The following ESF1 variants were observed in gnomAD, a reference collection of about 807,000 sequenced individuals.
ESF1 encodes ESF1 nucleolar pre-rRNA processing protein.
In ESF1, 58 loss-of-function variants were observed where a neutral mutation model predicts 92.0. The observed-to-expected ratio is 0.63, with a 90% CI of 0.51 to 0.78. The LOEUF (loss-of-function observed/expected upper bound fraction) is 0.78, where lower values mean the gene tolerates loss of function less well. ESF1 is among the 30% of genes least tolerant of loss of function. The pLI is 0.00. For synonymous variants in ESF1, 321 were observed against 313.7 expected, an observed-to-expected ratio of 1.02 and a Z score of -0.24; for missense variants, 922 against 989.1, an observed-to-expected ratio of 0.93 and a Z score of 0.91.
chr20:13,730,549 A>G (rs1432532931), intron 10 of ESF1, among the ~76,000 whole-genome samples: 1 of 151,508 alleles, frequency 6.6e-6, no homozygotes, highest in Non-Finnish European at 1.5e-5. Context: ...ACGCCCAGCT[A>G]ATTTTTTTGT....
In ESF1 at chr20:13,733,720, C is replaced by T; in HGVS notation, c.1950+1G>A. 1.2e-6 allele frequency: 2 copies of T among 1,610,686 alleles called. No individual in the cohort carries two copies. The highest frequency in any genetic ancestry group is 1.7e-6 in the Non-Finnish European group (2 of 1,178,930). On this transcript the variant is annotated splice_donor_variant, in intron 10 of 13. Coordinates refer to ENST00000617257, the MANE Select transcript of ESF1 (RefSeq NM_001276380.2). LOFTEE classifies it high-confidence loss of function. ...CATTTGGTCATAATTATCAATGATA[C>T]CTTCTGTTTCCTTTTCAGTCTTTTT...
At chr20:13,780,826 G>A (rs1980150103) in intron 2 of ESF1, among the ~76,000 whole-genome samples, 1 of 152,182 alleles carries the variant, frequency 6.6e-6, no homozygotes, top group Non-Finnish European at 1.5e-5. Context: ...ATTTTAATTA[G>A]TAAACACGTA....
At chr20:13,741,326 T>C (rs1209891711) in intron 9 of ESF1, among the ~76,000 whole-genome samples, 1 of 146,436 alleles carries the variant, frequency 6.8e-6, no homozygotes, top group Non-Finnish European at 1.5e-5. Flanking sequence ...TTGTTGCTTT[T>C]GGTTTGCATT....
intron 8 of ESF1, among the ~76,000 whole-genome samples, chr20:13,763,904 C>A (rs1979315372): frequency 6.6e-6 from 1 of 152,174 alleles, no homozygotes; most frequent in Non-Finnish European, 1.5e-5. Flanking sequence ...AATGATTAAA[C>A]ATGATTTTCC....
At chr20:13,776,824 A>C (rs576302892) in intron 2 of ESF1, among the ~76,000 whole-genome samples, 2 of 152,338 alleles carry the variant, frequency 1.3e-5, no homozygotes, top group African/African-American at 4.8e-5. Flanking sequence ...TAATAGATGG[A>C]AATTTGTTTG....
At chr20:13,737,444 G>T (rs2049982135) in intron 9 of ESF1, among the ~76,000 whole-genome samples, 1 of 152,148 alleles carries the variant, frequency 6.6e-6, no homozygotes, top group Non-Finnish European at 1.5e-5. Flanking sequence ...CAAAGGGCAG[G>T]AGATGAACAA....
intron 3 of ESF1, 25 bp downstream of exon 3, chr20:13,775,848 T>G: frequency 3.2e-6 from 5 of 1,561,850 alleles, no homozygotes; most frequent in Non-Finnish European, 4.3e-6. Context: ...TTTTCACAAA[T>G]AATCTTGTTT....
Position 13,718,915 on chromosome 20 carries a change from C to A in ESF1, c.2108G>T (p.Arg703Ile), listed in dbSNP as rs746361660. 1 of 1,600,826 alleles carries A rather than the reference C, an allele frequency of 6.2e-7. No individual in the cohort carries two copies. Among genetic ancestry groups the A allele is most frequent in the Non-Finnish European group, 8.5e-7 (1 of 1,175,036 alleles). ...ACAATAATCGTATTTTACCTTTTGTCTTTCTATTTCAATTTCTTCTTCTGG... is the reference window on the plus strand; with the variant it reads ...ACAATAATCGTATTTTACCTTTTGTATTTCTATTTCAATTTCTTCTTCTGG... The part of the protein sequence containing the change: ...TSPEEEIEIE[R>I]QKAEMALLMM... Residue 703 changes from arginine (R) to isoleucine (I), a missense_variant, in exon 12 of 14, where the codon AGA (arginine) becomes ATA (isoleucine). Arg to Ile is a moderately conservative substitution (Grantham distance 97, BLOSUM62 -3). Transcript: ENST00000617257.
rs189171589 is a variant in ESF1 at position 13,717,736 on chromosome 20, G to A, written c.2116-222C>T. Among the ~76,000 whole-genome samples the A allele has an allele frequency of 3.5e-3, 530 of 152,268 alleles. 3 individuals carry two copies. The highest frequency in any genetic ancestry group is 0.012 in the African/African-American group (506 of 41,558). On this transcript the variant is annotated intron_variant, in intron 12 of 13. Transcript: ENST00000617257. ...CTGGAAGCAACATTACTGAGAGCAGGAGAGGTAAAACCTTGTAGTTAAAAA... is the reference window on the plus strand; with the variant it reads ...CTGGAAGCAACATTACTGAGAGCAGAAGAGGTAAAACCTTGTAGTTAAAAA...
At chr20:13,728,295 G>T in intron 11 of ESF1, 83 bp downstream of exon 11, 1 of 1,030,034 alleles carries the variant, frequency 9.7e-7, no homozygotes, top group Non-Finnish European at 1.4e-6. Context: ...AATTTTAAAA[G>T]AATGATTAGT....
At chr20:13,732,529 T>C (rs1275761585) in intron 10 of ESF1, among the ~76,000 whole-genome samples, 1 of 152,136 alleles carries the variant, frequency 6.6e-6, no homozygotes, top group African/African-American at 2.4e-5. Context: ...AGAAACAGTA[T>C]AGTGGGGAAC....
intron 8 of ESF1, among the ~76,000 whole-genome samples, chr20:13,760,847 C>G (rs1979159970): frequency 6.6e-6 from 1 of 152,226 alleles, no homozygotes; most frequent in Non-Finnish European, 1.5e-5. Context: ...TGAGGAGCCC[C>G]TCTTCCCCGG....
At chr20:13,748,816 T>TGA (rs1343635710) in intron 9 of ESF1, among the ~76,000 whole-genome samples, 1 of 151,790 alleles carries the variant, frequency 6.6e-6, no homozygotes, top group Non-Finnish European at 1.5e-5. Context: ...CTCGATCTCC[T>TGA]GACCTCGTGA....
intron 10 of ESF1, among the ~76,000 whole-genome samples, chr20:13,730,670 C>A (rs1370944177): frequency 2.0e-5 from 3 of 151,778 alleles, no homozygotes; most frequent in Non-Finnish European, 4.4e-5. Flanking sequence ...AAGCATGAGC[C>A]ACCGCACCCA....
At chr20:13,720,365 T>C (rs1266625025) in intron 11 of ESF1, among the ~76,000 whole-genome samples, 1 of 152,016 alleles carries the variant, frequency 6.6e-6, no homozygotes, top group East Asian at 1.9e-4. Context: ...CCTCAGCAAG[T>C]CATCTTTGGA....
intron 11 of ESF1, among the ~76,000 whole-genome samples, chr20:13,725,570 TTCC>T (rs1434788713): frequency 6.6e-6 from 1 of 152,158 alleles, no homozygotes; most frequent in East Asian, 1.9e-4. Context: ...ATTAATACTG[TTCC>T]TCCTATTTCC....
At position 13,775,982 on chromosome 20, in the gene ESF1, A is replaced by G. The variant is rs574340424; in HGVS notation, c.926T>C (p.Ile309Thr). The G allele has an allele frequency of 9.3e-6, 15 of 1,613,928 alleles. No homozygotes were observed. Among genetic ancestry groups the G allele is most frequent in the African/African-American group, 4.0e-5 (3 of 75,048 alleles). Residue 309 changes from isoleucine to threonine, a missense_variant, in exon 3 of 14, where the codon ATA becomes ACA. Transcript: ENST00000617257. ...ATCTTCATCTTCAGAACTAGTTTCT[A>G]TATTTCCTTTACCCCTTGCAAGATC... is the stretch of plus-strand genomic sequence containing the variant. The part of the protein sequence containing the change: ...GPDLARGKGN[I>T]ETSSEDEDDT...
chr20:13,744,172 C>T (rs2050033355), intron 9 of ESF1, among the ~76,000 whole-genome samples: 1 of 152,194 alleles, frequency 6.6e-6, no homozygotes, highest in Admixed American at 6.5e-5. Flanking sequence ...CAATTATGTA[C>T]ACCAGAGATA....
At chr20:13,730,644 A>G (rs1026163529) in intron 10 of ESF1, among the ~76,000 whole-genome samples, 1 of 151,866 alleles carries the variant, frequency 6.6e-6, no homozygotes, top group African/African-American at 2.4e-5. Context: ...TCGGCCTCCC[A>G]AAGTACTGGG....
Sources: allele counts gnomAD v4.1 joint callset (sites outside exome capture counted in the v4.1 genomes callset), GRCh38; gene constraint gnomAD v4.1.1; transcripts MANE v1.5; gene names NCBI Gene and HGNC (gene_info 2026-07-23, HGNC 2026-07-21).